The following ANK2 variants were observed in gnomAD, a reference collection of about 807,000 sequenced individuals.
ANK2 encodes the protein ankyrin 2, also known as ankyrin-2.
Under a neutral mutation model 360.5 loss-of-function variants are expected in ANK2, and 83 were observed. That is an observed-to-expected ratio of 0.23 (90% CI 0.19 to 0.28). The LOEUF (loss-of-function observed/expected upper bound fraction) is 0.28. Among genes scored for constraint, ANK2 ranks in the 10% least tolerant of loss-of-function variants. ANK2 has a pLI of 1.00. For missense variants in ANK2, 4,201 were observed against 4,795.7 expected (o/e 0.88, Z 3.66); for synonymous variants, 1,740 against 1,759.5 (o/e 0.99, Z 0.28).
At chr4:113,195,099 A>G (rs1392906937) in intron 2 of ANK2, among the ~76,000 whole-genome samples, 1 of 152,126 alleles carries the variant, frequency 6.6e-6, no homozygotes, top group Non-Finnish European at 1.5e-5. Context: ...CACATCTCTG[A>G]ACTATAAATC....
At chr4:113,313,613 A>G (rs561975254) in intron 24 of ANK2, 1 of 152,672 alleles carries the variant, frequency 6.5e-6, no homozygotes, top group African/African-American at 2.4e-5. Flanking sequence ...AGGCAATTCA[A>G]TATAAGTTAC....
At position 113,145,293 on chromosome 4, in the gene ANK2, T is replaced by TATACAAGAG. The variant is rs1414926049; in HGVS notation, c.85-29122_85-29121insTACAAGAGA. Among the ~76,000 whole-genome samples the TATACAAGAG allele has an allele frequency of 4.9e-3, 742 of 152,294 alleles. 4 individuals carry two copies. The highest frequency in any genetic ancestry group is 0.017 in the African/African-American group (711 of 41,572). Reference sequence around the variant, plus strand: ...TAACAATAATGAGAAAGAGTATACATAAACCAAGTAGTTTCCACTTGGTGG... The same window carrying TATACAAGAG: ...TAACAATAATGAGAAAGAGTATACATATACAAGAGAAACCAAGTAGTTTCCACTTGGTGG... On this transcript the variant is annotated intron_variant, in intron 1 of 45. Transcript: ENST00000357077.
intron 4 of ANK2, chr4:113,214,171 C>T (rs1177076626): frequency 1.4e-6 from 1 of 693,916 alleles, no homozygotes; most frequent in African/African-American, 1.8e-5. Context: ...GCACAACTCA[C>T]ACAGTAATGT....
At chr4:113,047,710 G>T (rs1420130676), upstream of ANK2, among the ~76,000 whole-genome samples, 1 of 152,038 alleles carries the variant, frequency 6.6e-6, no homozygotes, top group Non-Finnish European at 1.5e-5. Flanking sequence ...TGCCTCTTTG[G>T]CCTGGCTGTG....
At chr4:113,250,558 C>T (rs1434945478) in intron 10 of ANK2, among the ~76,000 whole-genome samples, 1 of 152,016 alleles carries the variant, frequency 6.6e-6, no homozygotes, top group African/African-American at 2.4e-5. Flanking sequence ...ATTTTAAATG[C>T]TTTTATTATT....
At chr4:113,135,523 C>CTG (rs33960021) in intron 1 of ANK2, among the ~76,000 whole-genome samples, 20,248 of 149,330 alleles carry the variant, frequency 0.14, 1,749 homozygotes, top group Non-Finnish European at 0.2. Context: ...GTGTGTCTCT[C>CTG]TGTGTGTGTG....
chr4:113,277,589 A>G (rs1215440027), intron 15 of ANK2, among the ~76,000 whole-genome samples: 3 of 152,168 alleles, frequency 2.0e-5, no homozygotes, highest in Non-Finnish European at 4.4e-5. Context: ...CCAAACCTAT[A>G]AAGTCAGATT....
At chr4:113,001,095 G>A (rs982133384) in intron 2 of ANK2, among the ~76,000 whole-genome samples, 3 of 152,108 alleles carry the variant, frequency 2.0e-5, no homozygotes. Context: ...AGCTCTTTGG[G>A]AGGCTGAGGC....
intron 21 of ANK2, among the ~76,000 whole-genome samples, chr4:113,292,821 C>A (rs889053662): frequency 1.3e-5 from 2 of 152,120 alleles, no homozygotes; most frequent in African/African-American, 2.4e-5. Flanking sequence ...CAAATTGACC[C>A]CCCCTCGCCT....
At chr4:112,975,126 T>C (rs1462891263) in intron 2 of ANK2, among the ~76,000 whole-genome samples, 1 of 152,222 alleles carries the variant, frequency 6.6e-6, no homozygotes, top group Non-Finnish European at 1.5e-5. Context: ...TTTTCCCTTT[T>C]GAGAAAAATC....
intron 31 of ANK2, among the ~76,000 whole-genome samples, chr4:113,337,083 A>G (rs993982085): frequency 1.3e-5 from 2 of 152,186 alleles, no homozygotes; most frequent in Non-Finnish European, 2.9e-5. Flanking sequence ...AAGAAGTTCT[A>G]TAACTTGCAC....
intron 2 of ANK2, among the ~76,000 whole-genome samples, chr4:112,908,519 T>G (rs1017692533): frequency 1.3e-5 from 2 of 152,134 alleles, no homozygotes; most frequent in African/African-American, 4.8e-5. Context: ...GCTACTCAAG[T>G]CAAATACCTG....
rs780285975 is a variant in ANK2 at position 113,356,403 on chromosome 4, C to A, written c.7785C>A (p.Ile2595=). 1.7e-5 allele frequency: 28 copies of A among 1,614,038 alleles called. No homozygotes were observed. Among genetic ancestry groups the A allele is most frequent in the Non-Finnish European group, 2.3e-5 (27 of 1,179,962 alleles). The stretch of plus-strand genomic sequence containing the variant: ...AGATGTTTAAAATGGTAACCAAAAT[C>A]AAAATGTTTGATGAACTTGAACAAG... ...EEEMFKMVTK[I]KMFDELEQEA... is the part of the protein sequence containing the mutation. The change falls in exon 38 of 46, where the codon ATC becomes ATA. Residue 2595 remains isoleucine, a synonymous_variant. Coordinates refer to ENST00000357077, the MANE Select transcript of ANK2 (RefSeq NM_001148.6).
At chr4:112,946,413 G>A (rs886618751) in intron 2 of ANK2, among the ~76,000 whole-genome samples, 2 of 152,146 alleles carry the variant, frequency 1.3e-5, no homozygotes, top group African/African-American at 2.4e-5. Context: ...GGGCTTGTGA[G>A]GATTCTTGTA....
chr4:112,781,495 C>A, the ANK2 span, among the ~76,000 whole-genome samples: 1 of 151,692 alleles, frequency 6.6e-6, no homozygotes, highest in African/African-American at 2.4e-5. Context: ...AGAAAAAAAA[C>A]AAATTGTCTA....
chr4:112,785,674 T>A, the ANK2 span, among the ~76,000 whole-genome samples: 4 of 152,178 alleles, frequency 2.6e-5, no homozygotes, highest in East Asian at 7.7e-4. Context: ...CTGGCCTTTT[T>A]GTTTTTTTAA....
At position 113,369,741 on chromosome 4, in the gene ANK2, T is replaced by C. The variant is rs1188474280; in HGVS notation, c.11546T>C (p.Val3849Ala). 1.2e-6 allele frequency: 2 copies of C among 1,614,078 alleles called. No homozygotes were observed. The highest frequency in any genetic ancestry group is 1.1e-5 in the South Asian group (1 of 91,068). Residue 3849 changes from valine (V) to alanine (A), a missense_variant, in exon 43 of 46, where the codon GTG (valine) becomes GCG (alanine). Val to Ala is a moderately conservative substitution (Grantham distance 64, BLOSUM62 0). Around this residue, in one of 4 missense-constraint regions of ANK2, gnomAD observed 2,642 missense variants for 2,714.5 expected, o/e 0.97. Transcript: ENST00000357077. ...SSPRKTSLVI[V>A]ESADNQPETC... ...CCGCGGAAAACCAGCCTCGTAATAG[T>C]GGAGTCTGCCGATAACCAGCCTGAG...
At chr4:113,103,278 C>T (rs759136326) in intron 1 of ANK2, among the ~76,000 whole-genome samples, 2 of 152,042 alleles carry the variant, frequency 1.3e-5, no homozygotes, top group African/African-American at 2.4e-5. Context: ...GGACTTGAAA[C>T]GTTTCATCCT....
intron 10 of ANK2, among the ~76,000 whole-genome samples, chr4:113,251,378 A>T (rs1305661445): frequency 6.6e-6 from 1 of 150,480 alleles, no homozygotes; most frequent in Non-Finnish European, 1.5e-5. Flanking sequence ...ATGTTCATGT[A>T]TTCATGCATC....
Sources: allele counts gnomAD v4.1 joint callset (sites outside exome capture counted in the v4.1 genomes callset), GRCh38; gene constraint gnomAD v4.1.1; regional missense constraint gnomAD v4.1.1; transcripts MANE v1.5; gene names NCBI Gene and HGNC (gene_info 2026-07-23, HGNC 2026-07-21).